Variants in ANKRD40 observed in about 807,000 individuals in gnomAD.
ANKRD40 encodes ankyrin repeat domain-containing protein 40.
A neutral mutation model predicts 35.5 loss-of-function variants in ANKRD40; 24 were observed. The observed-to-expected ratio is 0.68, with a 90% CI of 0.49 to 0.95. ANKRD40 has a LOEUF of 0.95. ANKRD40 is among the 40% of genes least tolerant of loss of function. ANKRD40 has a pLI of 0.00. For synonymous variants in ANKRD40, 147 were observed against 173.5 expected (o/e 0.85, Z 1.20); for missense variants, 361 against 436.0 (o/e 0.83, Z 1.53).
intron 3 of ANKRD40, among the ~76,000 whole-genome samples, chr17:50,698,000 T>C (rs1968220132): frequency 6.6e-6 from 1 of 152,168 alleles, no homozygotes; most frequent in South Asian, 2.1e-4. Flanking sequence ...AGAGAAATAT[T>C]GATATCTTTC....
Position 50,699,757 on chromosome 17 carries a change from T to G in ANKRD40, c.420A>C (p.Ser140=), listed in dbSNP as rs202219117. ...AGGGGCCCCCATTCTGCATCTGGGC[T>G]GAATCCTCTGCTGTGGGTGTATAGA... is the stretch of plus-strand genomic sequence containing the variant. ...PFIYTPTAED[S]AQMQNGGPST... Residue 140 remains serine (S), a synonymous_variant, in exon 3 of 5, where the codon TCA becomes TCC. Transcript: ENST00000285243. The G allele has an allele frequency of 2.0e-5, 33 of 1,610,822 alleles. No homozygotes were observed. Among genetic ancestry groups the G allele is most frequent in the Admixed American group, 1.3e-4 (8 of 59,844 alleles).
At position 50,696,156 on chromosome 17, in the gene ANKRD40, T is replaced by C. The variant is rs1968198543; in HGVS notation, c.961-13A>G. ...CAACATCCTTGTCCTAAAACAAAAA[T>C]ATGTTAAACAGATTAACAGGAGCCA... is the stretch of plus-strand genomic sequence containing the variant. On this transcript the variant is annotated splice_polypyrimidine_tract_variant and intron_variant, in intron 4 of 4. Transcript: ENST00000285243. 1.2e-6 allele frequency: 2 copies of C among 1,612,154 alleles called. No individual in the cohort carries two copies. Among genetic ancestry groups the C allele is most frequent in the Non-Finnish European group, 1.7e-6 (2 of 1,179,064 alleles).
At position 50,705,951 on chromosome 17, in the gene ANKRD40, G is replaced by A. The variant is rs1054967656; in HGVS notation, c.134+1570C>T. Among the ~76,000 whole-genome samples, 26 of 151,354 alleles carry A rather than the reference G, an allele frequency of 1.7e-4. 2 individuals are homozygous for A. The highest frequency in any genetic ancestry group is 4.2e-4 in the South Asian group (2 of 4,792). ...TGAGATTACAGGCGTCAGCCACCGCGCCAGGTCCAGGTAGGTAGACTTTTG... is the reference window on the plus strand; with the variant it reads ...TGAGATTACAGGCGTCAGCCACCGCACCAGGTCCAGGTAGGTAGACTTTTG... On this transcript the variant is annotated intron_variant, in intron 1 of 4. Coordinates refer to ENST00000285243, the MANE Select transcript of ANKRD40 (RefSeq NM_052855.4).
At position 50,696,989 on chromosome 17, in the gene ANKRD40, G is replaced by GC; in HGVS notation, c.910_911insG (p.Pro304ArgfsTer38). The GC allele has an allele frequency of 6.2e-7, 1 of 1,613,866 alleles. No individual in the cohort carries two copies. Among genetic ancestry groups the GC allele is most frequent in the Non-Finnish European group, 8.5e-7 (1 of 1,179,906 alleles). ...CTTTCTGATCTTCTCCACTTGATCTGGATTAACACCCAGCTCACAGCAACA... is the reference window on the plus strand; with the variant it reads ...CTTTCTGATCTTCTCCACTTGATCTGCGATTAACACCCAGCTCACAGCAACA... On this transcript the variant is annotated frameshift_variant, in exon 4 of 5. Transcript: ENST00000285243. LOFTEE classifies it high-confidence loss of function.
chr17:50,699,576 C>T lies in ANKRD40; in HGVS notation c.601G>A (p.Glu201Lys), dbSNP rs878878652. 6 of 1,614,178 alleles carry T rather than the reference C, an allele frequency of 3.7e-6. No homozygotes were observed. In the South Asian group the frequency reaches 4.4e-5, roughly 12 times the overall value. Residue 201 changes from glutamate (E) to lysine (K), a missense_variant, in exon 3 of 5, where the codon GAA becomes AAA. Physicochemically the swap from Glu to Lys is moderately conservative, Grantham distance 56. Coordinates refer to ENST00000285243, the MANE Select transcript of ANKRD40 (RefSeq NM_052855.4). ...CAAACAGGACCCGGTTTTGTGCTTT[C>T]TGGTGTTCTGAGTATGGCAGAGGGG... ...SAPSAILRTP[E>K]STKPGPVCQP... is the part of the protein sequence containing the mutation.
intron 1 of ANKRD40, 195 bp from the exon 2 acceptor site, chr17:50,700,911 T>C: frequency 2.0e-6 from 1 of 499,784 alleles, no homozygotes; most frequent in East Asian, 3.3e-5. Context: ...TTAAATTTCA[T>C]TTCTGGCTCC....
intron 3 of ANKRD40, among the ~76,000 whole-genome samples, chr17:50,698,290 G>A (rs1968223734): frequency 6.6e-6 from 1 of 152,076 alleles, no homozygotes; most frequent in South Asian, 2.1e-4. Flanking sequence ...GAAGACACAT[G>A]CAAGGGACAT....
chr17:50,699,356 C>T, intron 3 of ANKRD40, 43 bp downstream of exon 3: 3 of 1,596,028 alleles, frequency 1.9e-6, no homozygotes, highest in Non-Finnish European at 2.6e-6. Context: ...CCTCTGGACA[C>T]CAACTCCCCT....
rs1206868665 is a variant in ANKRD40 at position 50,699,588 on chromosome 17, G to A, written c.589C>T (p.Leu197Phe). 3 of 1,614,218 alleles carry A rather than the reference G, an allele frequency of 1.9e-6. No individual in the cohort carries two copies. The highest frequency in any genetic ancestry group is 2.2e-5 in the East Asian group (1 of 44,886). The part of the protein sequence containing the change: ...NGDVSAPSAI[L>F]RTPESTKPGP... ...GGTTTTGTGCTTTCTGGTGTTCTGAGTATGGCAGAGGGGGCCGACACATCA... is the reference window on the plus strand; with the variant it reads ...GGTTTTGTGCTTTCTGGTGTTCTGAATATGGCAGAGGGGGCCGACACATCA... Residue 197 changes from leucine to phenylalanine, a missense_variant, in exon 3 of 5, where the codon CTC becomes TTC. Physicochemically the swap from Leu to Phe is conservative, Grantham distance 22. This residue lies in a region of ANKRD40 where 172 missense variants were observed against 174.0 expected (regional missense o/e 0.99). Coordinates refer to ENST00000285243, the MANE Select transcript of ANKRD40 (RefSeq NM_052855.4).
intron 2 of ANKRD40, 114 bp from the exon 3 acceptor site, chr17:50,700,007 G>T: frequency 1.0e-6 from 1 of 979,418 alleles, no homozygotes; most frequent in Non-Finnish European, 1.4e-6. Flanking sequence ...CAGGTCAGAA[G>T]AAAAAAGAAT....
Position 50,699,711 on chromosome 17 carries a change from G to T in ANKRD40, c.466C>A (p.Pro156Thr), listed in dbSNP as rs755882699. Residue 156 changes from proline (P) to threonine (T), a missense_variant, in exon 3 of 5, where the codon CCT becomes ACT. Coordinates refer to ENST00000285243, the MANE Select transcript of ANKRD40 (RefSeq NM_052855.4). ...GGPSTPPASP[P>T]ADGSPPLLPP... is the part of the protein sequence containing the mutation. ...AGCAATGGAGGTGAGCCATCTGCAG[G>T]GGGTGATGCAGGGGGTGTGGAGGGG... The T allele has an allele frequency of 5.0e-6, 8 of 1,613,716 alleles. No homozygotes were observed. Among genetic ancestry groups the T allele is most frequent in the Non-Finnish European group, 5.9e-6 (7 of 1,179,758 alleles).
chr17:50,698,752 A>T (rs1434271638), intron 3 of ANKRD40, among the ~76,000 whole-genome samples: 1 of 152,136 alleles, frequency 6.6e-6, no homozygotes, highest in African/African-American at 2.4e-5. Flanking sequence ...TGTTTGAGAC[A>T]ACTGACAAAA....
At chr17:50,700,477 T>C in intron 2 of ANKRD40, 91 bp downstream of exon 2, 1 of 1,301,268 alleles carries the variant, frequency 7.7e-7, no homozygotes, top group South Asian at 1.6e-5. Context: ...AATAGAGCAG[T>C]TGTTTGACCA....
chr17:50,700,403 A>G, intron 2 of ANKRD40, 165 bp downstream of exon 2: 3 of 690,336 alleles, frequency 4.3e-6, no homozygotes, highest in Non-Finnish European at 6.8e-6. Context: ...AGATCACGCC[A>G]CTGCACTCCA....
intron 1 of ANKRD40, among the ~76,000 whole-genome samples, chr17:50,701,837 A>C (rs1414410125): frequency 1.3e-5 from 2 of 152,168 alleles, no homozygotes; most frequent in East Asian, 3.8e-4. Context: ...TCCAGGAAAA[A>C]GCTGATTTGC....
rs200352818 is a variant in ANKRD40, at chr17:50,699,647, C to T, written c.530G>A (p.Arg177Gln). The change falls in exon 3 of 5, where the codon CGG becomes CAG. Residue 177 changes from arginine (R) to glutamine (Q), a missense_variant. Around this residue, in one of 5 missense-constraint regions of ANKRD40, gnomAD observed 172 missense variants for 174.0 expected, o/e 0.99. Coordinates refer to ENST00000285243, the MANE Select transcript of ANKRD40 (RefSeq NM_052855.4). ...GEPPLLGTFP[R>Q]DHTSLALVQN... Reference sequence around the variant, plus strand: ...AACTAGTGCCAAAGAGGTGTGGTCCCGGGGAAAGGTCCCTAACAGGGGAGG... The same window carrying T: ...AACTAGTGCCAAAGAGGTGTGGTCCTGGGGAAAGGTCCCTAACAGGGGAGG... The T allele has an allele frequency of 4.6e-5, 75 of 1,614,126 alleles. No homozygotes were observed. The highest frequency in any genetic ancestry group is 5.8e-5 in the Non-Finnish European group (68 of 1,180,036).
rs1284049217 is a variant in ANKRD40 at position 50,694,783 on chromosome 17, T to C, written c.*1214A>G. On this transcript the variant is annotated 3_prime_UTR_variant, in exon 5 of 5. Transcript: ENST00000285243. ...ACTTTGTGAAGTGAATTGGTGGTAG[T>C]AGTAGGGGGATCACTAAGATCAAAC... 6.6e-6 allele frequency: 1 copy of C among 152,184 alleles called. No homozygotes were observed. Among genetic ancestry groups the C allele is most frequent in the Non-Finnish European group, 1.5e-5 (1 of 68,040 alleles). The allele number at this position is 152,184 out of a possible 1,614,324, so 9.4% of individuals were successfully genotyped here.
chr17:50,693,960 G>C lies in ANKRD40; in HGVS notation c.*2037C>G, dbSNP rs1968162900. The C allele has an allele frequency of 6.6e-6, 1 of 151,740 alleles. No homozygotes were observed. The highest frequency in any genetic ancestry group is 1.5e-5 in the Non-Finnish European group (1 of 67,912). 9.4% of individuals were successfully genotyped at this position (151,740 alleles called of 1,614,324 possible). ...AGCCTGGCCAACATGGTGAAACCTT[G>C]TCTCTACTAAAATACAGAAATTAGC... On this transcript the variant is annotated 3_prime_UTR_variant, in exon 5 of 5. Transcript: ENST00000285243.
At chr17:50,705,120 CAAAAA>C (rs56389674) in intron 1 of ANKRD40, among the ~76,000 whole-genome samples, 5 of 108,696 alleles carry the variant, frequency 4.6e-5, no homozygotes, top group African/African-American at 7.2e-5. Context: ...GACTCTGTCT[CAAAAA>C]AAAAAAAAAA....
Sources: gnomAD v4.1 joint callset for allele counts (sites outside exome capture counted in the v4.1 genomes callset) on GRCh38, gnomAD v4.1.1 for gene constraint, gnomAD v4.1.1 regional missense constraint, MANE v1.5 for transcripts, NCBI Gene and HGNC (gene_info 2026-07-23, HGNC 2026-07-21) for gene names.